The following METAP2 variants were observed in gnomAD, a reference collection of about 807,000 sequenced individuals.
METAP2 encodes methionine aminopeptidase 2.
A neutral mutation model predicts 59.4 loss-of-function variants in METAP2; 25 were observed. That is an observed-to-expected ratio of 0.42 (90% CI 0.31 to 0.59). The LOEUF (loss-of-function observed/expected upper bound fraction) is 0.59, where lower values mean the gene tolerates loss of function less well. METAP2 is among the 20% of genes least tolerant of loss of function. METAP2 has a pLI of 0.16. For synonymous variants in METAP2, 214 were observed against 194.1 expected (o/e 1.10, Z -0.85); for missense variants, 366 against 581.2 (o/e 0.63, Z 3.81).
At chr12:95,504,033 G>T in intron 7 of METAP2, 32 bp from the exon 8 acceptor site, 1 of 1,545,700 alleles carries the variant, frequency 6.5e-7, no homozygotes, top group South Asian at 1.2e-5. Flanking sequence ...TTTGCACTTT[G>T]AATAATAAAG....
At chr12:95,495,714 A>G (rs2076271399) in intron 6 of METAP2, among the ~76,000 whole-genome samples, 1 of 151,862 alleles carries the variant, frequency 6.6e-6, no homozygotes, top group Non-Finnish European at 1.5e-5. Context: ...TCTTGTATTC[A>G]TTTTGTTTCT....
intron 10 of METAP2, among the ~76,000 whole-genome samples, 200 bp downstream of exon 10, chr12:95,513,116 C>CAT (rs2076416200): frequency 1.3e-5 from 2 of 151,814 alleles, no homozygotes; most frequent in South Asian, 4.2e-4. Context: ...CACACACACA[C>CAT]ACACACACAC....
chr12:95,502,277 A>G (rs1354479957), intron 7 of METAP2, among the ~76,000 whole-genome samples: 11 of 152,106 alleles, frequency 7.2e-5, no homozygotes, highest in Non-Finnish European at 1.6e-4. Flanking sequence ...GCATGCTGGG[A>G]TTACAGACAT....
rs1456406996 is a variant in METAP2, at chr12:95,504,047, A to G, written c.868-18A>G. On this transcript the variant is annotated intron_variant, in intron 7 of 10. Coordinates refer to ENST00000323666, the MANE Select transcript of METAP2 (RefSeq NM_006838.4). ...TTTTGCACTTTGAATAATAAAGCAT[A>G]TGTTACTCTTTTTTTAGTGTGCTGG... is the stretch of plus-strand genomic sequence containing the variant. 1.3e-6 allele frequency: 2 copies of G among 1,591,396 alleles called. No individual in the cohort carries two copies. Among genetic ancestry groups the G allele is most frequent in the South Asian group, 2.3e-5 (2 of 87,564 alleles).
chr12:95,494,956 G>A lies in METAP2; in HGVS notation c.591-1G>A. On this transcript the variant is annotated splice_acceptor_variant, in intron 5 of 10. Transcript: ENST00000323666. LOFTEE classifies it high-confidence loss of function. ...AAGTTCCCTTTGCTTTTTTGTTTTA[G>A]TGAAAAGTTGGAAGACTGTTCACGC... is the stretch of plus-strand genomic sequence containing the variant. The A allele has an allele frequency of 6.2e-7, 1 of 1,602,896 alleles. No individual in the cohort carries two copies. The highest frequency in any genetic ancestry group is 8.5e-7 in the Non-Finnish European group (1 of 1,175,656).
chr12:95,476,029 T>G (rs767981481), intron 1 of METAP2, 42 bp from the exon 2 acceptor site: 1 of 1,187,170 alleles, frequency 8.4e-7, no homozygotes, highest in Non-Finnish European at 1.2e-6. Context: ...AGTGGGAAAG[T>G]GTCTGTATTA....
intron 4 of METAP2, among the ~76,000 whole-genome samples, chr12:95,489,437 C>G (rs2076221358): frequency 6.6e-6 from 1 of 152,092 alleles, no homozygotes; most frequent in East Asian, 1.9e-4. Context: ...TGGAGAAATA[C>G]AGAATAAGTA....
intron 7 of METAP2, among the ~76,000 whole-genome samples, chr12:95,498,157 T>C (rs183123778): frequency 1.3e-3 from 190 of 149,416 alleles, no homozygotes; most frequent in Non-Finnish European, 1.6e-3. Flanking sequence ...ACAGTAGAGA[T>C]TGGGGGTGTT....
At chr12:95,499,008 C>T (rs1225501029) in intron 7 of METAP2, among the ~76,000 whole-genome samples, 2 of 140,352 alleles carry the variant, frequency 1.4e-5, no homozygotes, top group Admixed American at 8.0e-5. Flanking sequence ...AAAGCAAGAC[C>T]CTGTCCCAAA....
chr12:95,514,105 A>T lies in METAP2; in HGVS notation c.*201A>T. On this transcript the variant is annotated 3_prime_UTR_variant, in exon 11 of 11. Transcript: ENST00000323666. ...ACGAAAAAGCTTTCCGGACTTTTAA[A>T]TGCTAACTGTTTTTCCCCTTCCTGT... 7.2e-6 allele frequency: 4 copies of T among 552,978 alleles called. No individual in the cohort carries two copies. Among genetic ancestry groups the T allele is most frequent in the Non-Finnish European group, 1.2e-5 (4 of 335,044 alleles). 34.3% of individuals were successfully genotyped at this position (552,978 alleles called of 1,614,324 possible). A position where few individuals can be genotyped will look rare whatever the true frequency, so the allele number is the denominator to read the frequency against.
intron 8 of METAP2, among the ~76,000 whole-genome samples, chr12:95,506,648 A>G (rs560440443): frequency 6.6e-6 from 1 of 152,046 alleles, no homozygotes; most frequent in East Asian, 1.9e-4. Context: ...TTGTTCTTCA[A>G]GGTTTCATTT....
chr12:95,491,222 A>G (rs1057312556), intron 4 of METAP2, among the ~76,000 whole-genome samples: 1 of 152,156 alleles, frequency 6.6e-6, no homozygotes, highest in Admixed American at 6.6e-5. Flanking sequence ...TTGAGAAGAA[A>G]GGAATATCCT....
chr12:95,500,865 CAG>C (rs1392479347), intron 7 of METAP2, among the ~76,000 whole-genome samples: 7 of 152,082 alleles, frequency 4.6e-5, no homozygotes, highest in Non-Finnish European at 8.8e-5. Flanking sequence ...GCTTTGGTAT[CAG>C]AGTAATGCTG....
Position 95,496,042 on chromosome 12 carries a change from C to G in METAP2, c.811C>G (p.Pro271Ala), listed in dbSNP as rs759979266. 6.2e-7 allele frequency: 1 copy of G among 1,600,006 alleles called. No homozygotes were observed. Among genetic ancestry groups the G allele is most frequent in the East Asian group, 2.2e-5 (1 of 44,644 alleles). Residue 271 changes from proline (P) to alanine (A), a missense_variant, in exon 7 of 11, where the codon CCC becomes GCC. Transcript: ENST00000323666. ...IDCAFTVTFNPKYDTLLKAVK... is the reference protein window; with the variant it reads ...IDCAFTVTFNAKYDTLLKAVK... ...CTGTGCTTTTACTGTCACTTTTAAT[C>G]CCAAATATGATACGTTATTAAAAGC...
chr12:95,486,948 A>G (rs1229202767), intron 4 of METAP2, among the ~76,000 whole-genome samples: 1 of 152,256 alleles, frequency 6.6e-6, no homozygotes, highest in Admixed American at 6.5e-5. Context: ...TATTGAGAGC[A>G]TGGAAGCTGG....
At chr12:95,500,495 A>T (rs192598261) in intron 7 of METAP2, among the ~76,000 whole-genome samples, 1 of 152,294 alleles carries the variant, frequency 6.6e-6, no homozygotes, top group East Asian at 1.9e-4. Flanking sequence ...TCCATCTTTG[A>T]CCATTGAGTA....
intron 8 of METAP2, among the ~76,000 whole-genome samples, chr12:95,508,650 T>G (rs970149608): frequency 6.6e-6 from 1 of 152,220 alleles, no homozygotes; most frequent in African/African-American, 2.4e-5. Flanking sequence ...TACCAATGTC[T>G]TCTCTTTTTC....
At chr12:95,505,686 G>T (rs1276929626) in intron 8 of METAP2, among the ~76,000 whole-genome samples, 1 of 151,942 alleles carries the variant, frequency 6.6e-6, no homozygotes, top group Non-Finnish European at 1.5e-5. Flanking sequence ...GTAGAGGCGG[G>T]GTTTTGTCAT....
chr12:95,513,385 G>A (rs1281265907), intron 10 of METAP2, among the ~76,000 whole-genome samples: 1 of 151,844 alleles, frequency 6.6e-6, no homozygotes, highest in African/African-American at 2.4e-5. Context: ...GTCTCTAGTG[G>A]GGAATATAAC....
Sources: allele counts gnomAD v4.1 joint callset (sites outside exome capture counted in the v4.1 genomes callset), GRCh38; gene constraint gnomAD v4.1.1; transcripts MANE v1.5; gene names NCBI Gene and HGNC (gene_info 2026-07-23, HGNC 2026-07-21).